RIMS1: variants seen among roughly 807,000 people sequenced by gnomAD.
RIMS1 encodes the protein regulating synaptic membrane exocytosis protein 1.
In RIMS1, 83 loss-of-function variants were observed where a neutral mutation model predicts 214.1. That is an observed-to-expected ratio of 0.39 (90% CI 0.32 to 0.47). The LOEUF (loss-of-function observed/expected upper bound fraction) is 0.47, where lower values mean the gene tolerates loss of function less well. Ranked by LOEUF, RIMS1 falls within the 20% of genes least tolerant of loss-of-function variation. RIMS1 has a pLI of 0.99. For synonymous variants in RIMS1, 793 were observed against 786.8 expected, an observed-to-expected ratio of 1.01 and a Z score of -0.13; for missense variants, 2,050 against 2,161.8, an observed-to-expected ratio of 0.95 and a Z score of 1.03.
intron 2 of RIMS1, among the ~76,000 whole-genome samples, chr6:72,004,553 A>T (rs1199629932): frequency 1.3e-5 from 2 of 151,142 alleles, no homozygotes; most frequent in Non-Finnish European, 3.0e-5. Flanking sequence ...CTTTTTAATG[A>T]TTGCCATTCT....
At chr6:72,273,559 TGTTTACTGTTA>T (rs780328035) in intron 22 of RIMS1, among the ~76,000 whole-genome samples, 5 of 152,182 alleles carry the variant, frequency 3.3e-5, no homozygotes, top group African/African-American at 4.8e-5. Context: ...TTCTAACTTG[TGTTTACTGTTA>T]ATCGCAAGAA....
chr6:72,179,403 A>G, intron 4 of RIMS1, 172 bp from the exon 5 acceptor site: 1 of 678,980 alleles, frequency 1.5e-6, no homozygotes, highest in South Asian at 1.6e-5. Flanking sequence ...GTCCCTGTCT[A>G]GGCATTCATA....
chr6:72,342,089 G>C (rs2097112262), intron 29 of RIMS1, among the ~76,000 whole-genome samples: 1 of 151,740 alleles, frequency 6.6e-6, no homozygotes, highest in African/African-American at 2.4e-5. Context: ...CCCCTGTGCA[G>C]ATCCTTTCCT....
intron 28 of RIMS1, among the ~76,000 whole-genome samples, chr6:72,327,208 G>A (rs982846351): frequency 4.6e-5 from 7 of 151,656 alleles, no homozygotes; most frequent in African/African-American, 1.2e-4. Flanking sequence ...GGCTGAATGC[G>A]TATAGACACT....
At chr6:72,208,312 C>T (rs1305264118) in intron 6 of RIMS1, among the ~76,000 whole-genome samples, 1 of 152,084 alleles carries the variant, frequency 6.6e-6, no homozygotes, top group Non-Finnish European at 1.5e-5. Context: ...AATGTAGTCC[C>T]GCATCAAGAA....
rs78347506 is a variant in RIMS1 at position 72,299,709 on chromosome 6, G to A, written c.3851-7549G>A. Among the ~76,000 whole-genome samples, 780 of 151,820 alleles carry A rather than the reference G, an allele frequency of 5.1e-3. 5 individuals carry two copies. The highest frequency in any genetic ancestry group is 0.017 in the African/African-American group (718 of 41,506). The stretch of plus-strand genomic sequence containing the variant: ...AAAGAAGCGAAAAACATTAATTTTA[G>A]CATTTTTTGTACAGTTGTATAAATA... On this transcript the variant is annotated intron_variant, in intron 26 of 33. Transcript: ENST00000521978.
chr6:72,397,764 T>C (rs1345564207), intron 31 of RIMS1, among the ~76,000 whole-genome samples: 1 of 152,054 alleles, frequency 6.6e-6, no homozygotes, highest in East Asian at 1.9e-4. Flanking sequence ...ATACAGTCAA[T>C]AAAATGATGG....
intron 4 of RIMS1, among the ~76,000 whole-genome samples, chr6:72,126,275 G>C (rs1476734000): frequency 1.3e-5 from 2 of 152,140 alleles, no homozygotes; most frequent in African/African-American, 4.8e-5. Flanking sequence ...ATCAGCTCAA[G>C]ATGAATCAAA....
intron 2 of RIMS1, among the ~76,000 whole-genome samples, chr6:72,004,575 G>A (rs1326227571): frequency 2.0e-5 from 3 of 151,926 alleles, no homozygotes; most frequent in Non-Finnish European, 4.4e-5. Flanking sequence ...ACTGGTGTGA[G>A]ATGGTATCTC....
At chr6:72,239,570 A>G (rs572971188) in intron 9 of RIMS1, among the ~76,000 whole-genome samples, 1 of 152,302 alleles carries the variant, frequency 6.6e-6, no homozygotes, top group East Asian at 1.9e-4. Context: ...AGCCTATAAA[A>G]CTACGGTGCA....
intron 2 of RIMS1, among the ~76,000 whole-genome samples, chr6:72,045,889 T>A (rs1047624256): frequency 1.5e-4 from 22 of 151,272 alleles, no homozygotes; most frequent in African/African-American, 4.1e-4. Flanking sequence ...TTTTTTTTTT[T>A]AAATTGAAAC....
At chr6:72,301,321 A>T (rs915927914) in intron 26 of RIMS1, among the ~76,000 whole-genome samples, 9 of 151,752 alleles carry the variant, frequency 5.9e-5, no homozygotes, top group Admixed American at 4.6e-4. Context: ...TTTAATCTTT[A>T]TGTATAATAT....
At chr6:72,335,247 A>C (rs1408629986) in intron 29 of RIMS1, among the ~76,000 whole-genome samples, 1 of 151,902 alleles carries the variant, frequency 6.6e-6, no homozygotes, top group African/African-American at 2.4e-5. Flanking sequence ...ACCTGCTGAC[A>C]GGCCCCGGTG....
chr6:72,332,178 A>G (rs570701827), intron 28 of RIMS1, among the ~76,000 whole-genome samples: 1 of 151,852 alleles, frequency 6.6e-6, no homozygotes, highest in Non-Finnish European at 1.5e-5. Flanking sequence ...AAGATGCTAT[A>G]TCAGCTAGTG....
chr6:71,903,903 T>C (rs1774510879), intron 1 of RIMS1, among the ~76,000 whole-genome samples: 1 of 152,154 alleles, frequency 6.6e-6, no homozygotes, highest in Non-Finnish European at 1.5e-5. Flanking sequence ...TTTTCATACA[T>C]GTATGTATAT....
chr6:72,210,923 T>C (rs565142580), intron 6 of RIMS1, among the ~76,000 whole-genome samples: 133 of 152,152 alleles, frequency 8.7e-4, no homozygotes, highest in African/African-American at 3.1e-3. Flanking sequence ...TCAGTGAAAA[T>C]TGGAAGAAAT....
chr6:72,238,675 T>C (rs2065344002), intron 9 of RIMS1, among the ~76,000 whole-genome samples: 1 of 152,152 alleles, frequency 6.6e-6, no homozygotes, highest in African/African-American at 2.4e-5. Context: ...GTAGAAATCT[T>C]TTGGTTAGAT....
chr6:72,186,914 C>T (rs993617773), intron 6 of RIMS1, among the ~76,000 whole-genome samples: 5 of 151,944 alleles, frequency 3.3e-5, no homozygotes, highest in East Asian at 1.9e-4. Flanking sequence ...GGGGATTTTC[C>T]GAGCTCAGGA....
intron 2 of RIMS1, among the ~76,000 whole-genome samples, chr6:72,071,236 A>C (rs1830516028): frequency 6.6e-6 from 1 of 152,066 alleles, no homozygotes. Flanking sequence ...CAATCTCTAC[A>C]AAAAAATTTA....
Sources: gnomAD v4.1 joint callset for allele counts (sites outside exome capture counted in the v4.1 genomes callset) on GRCh38, gnomAD v4.1.1 for gene constraint, MANE v1.5 for transcripts, NCBI Gene and HGNC (gene_info 2026-07-23, HGNC 2026-07-21) for gene names.